LRRC37A2: variants seen among roughly 807,000 people sequenced by gnomAD.
LRRC37A2 encodes the protein leucine-rich repeat-containing protein 37A2.
In LRRC37A2, 9 loss-of-function variants were observed where a neutral mutation model predicts 68.8. The observed-to-expected ratio is 0.13, with a 90% CI of 0.08 to 0.23. The LOEUF is 0.23. Ranked by LOEUF, LRRC37A2 falls within the 10% of genes least tolerant of loss-of-function variation. LRRC37A2 has a pLI of 1.00. For synonymous variants in LRRC37A2, 63 were observed against 367.6 expected (o/e 0.17, Z 9.48); for missense variants, 168 against 950.4 (o/e 0.18, Z 10.82).
chr17:46,988,176 A>C, the LRRC37A2 span, among the ~76,000 whole-genome samples: 8 of 152,374 alleles, frequency 5.3e-5, no homozygotes, highest in East Asian at 1.3e-3. Flanking sequence ...GTCTCAAAAA[A>C]CAAACAAACA....
the LRRC37A2 span, among the ~76,000 whole-genome samples, chr17:47,001,245 G>A: frequency 2.0e-5 from 3 of 152,154 alleles, no homozygotes; most frequent in Admixed American, 1.3e-4. Context: ...AGGGAGCACA[G>A]AGCAAGGAAT....
the LRRC37A2 span, among the ~76,000 whole-genome samples, chr17:46,772,168 C>G: frequency 6.6e-6 from 1 of 152,220 alleles, no homozygotes; most frequent in African/African-American, 2.4e-5. Context: ...TGGGCACCGA[C>G]CGGGGCGCGT....
chr17:47,011,551 CAAA>C, the LRRC37A2 span, among the ~76,000 whole-genome samples: 1 of 96,472 alleles, frequency 1.0e-5, no homozygotes, highest in Non-Finnish European at 2.2e-5. Context: ...GACTCTGTTT[CAAA>C]AAAAAAAAAA....
At chr17:46,822,014 C>T in the LRRC37A2 span, among the ~76,000 whole-genome samples, 173 of 152,318 alleles carry the variant, frequency 1.1e-3, 1 homozygote, top group African/African-American at 3.8e-3. Flanking sequence ...GGCTGCCAGG[C>T]GGGAGTCGGG....
the LRRC37A2 span, among the ~76,000 whole-genome samples, chr17:46,737,572 C>CGTGT: frequency 0.027 from 4,037 of 147,240 alleles, 84 homozygotes; most frequent in Non-Finnish European, 0.039. Flanking sequence ...GGTGTGTGTG[C>CGTGT]GTGTGTGTGT....
the LRRC37A2 span, chr17:46,722,088 G>C: frequency 1.4e-5 from 23 of 1,610,964 alleles, no homozygotes; most frequent in South Asian, 2.5e-4. Flanking sequence ...AGCTCCAGAA[G>C]AGCCTGGGAG....
chr17:46,943,561 C>T, the LRRC37A2 span, among the ~76,000 whole-genome samples: 16 of 152,242 alleles, frequency 1.1e-4, no homozygotes, highest in Non-Finnish European at 1.5e-4. Context: ...ACGCTTCCTG[C>T]GGAATGGGAG....
At chr17:46,840,779 T>A in the LRRC37A2 span, among the ~76,000 whole-genome samples, 10 of 152,384 alleles carry the variant, frequency 6.6e-5, no homozygotes, top group South Asian at 2.1e-3. Flanking sequence ...TTCATGTGTC[T>A]GTTGGCTGCA....
the LRRC37A2 span, among the ~76,000 whole-genome samples, chr17:46,905,651 G>A: frequency 3.3e-5 from 5 of 152,132 alleles, no homozygotes; most frequent in East Asian, 3.9e-4. Context: ...AAGGAGCACC[G>A]ACAGCTAAGC....
the LRRC37A2 span, among the ~76,000 whole-genome samples, chr17:46,703,680 CAAAA>C: frequency 5.8e-4 from 22 of 37,714 alleles, no homozygotes; most frequent in Non-Finnish European, 8.0e-4. Flanking sequence ...GACTCCGTCT[CAAAA>C]AAAAAAAAAA....
the LRRC37A2 span, among the ~76,000 whole-genome samples, chr17:46,835,904 C>G: frequency 1.3e-5 from 2 of 152,230 alleles, no homozygotes; most frequent in Non-Finnish European, 2.9e-5. Flanking sequence ...ACAGGAGACC[C>G]GGCCCTTCTC....
chr17:46,795,671 C>T, the LRRC37A2 span, among the ~76,000 whole-genome samples: 5 of 152,200 alleles, frequency 3.3e-5, no homozygotes, highest in East Asian at 5.8e-4. Flanking sequence ...AGCCCAGTTC[C>T]GGAGCACCCT....
At chr17:46,946,209 G>T in the LRRC37A2 span, among the ~76,000 whole-genome samples, 1 of 151,386 alleles carries the variant, frequency 6.6e-6, no homozygotes, top group African/African-American at 2.4e-5. Flanking sequence ...GCCGAGGTGG[G>T]CAGATCTCCT....
the LRRC37A2 span, among the ~76,000 whole-genome samples, chr17:46,974,747 A>C: frequency 2.2e-5 from 1 of 45,164 alleles, no homozygotes; most frequent in African/African-American, 5.3e-5. Flanking sequence ...AAAAAAAAAA[A>C]AAGGTCATCT....
chr17:47,011,122 G>A, the LRRC37A2 span, among the ~76,000 whole-genome samples: 2 of 152,134 alleles, frequency 1.3e-5, no homozygotes, highest in South Asian at 2.1e-4. Flanking sequence ...ACCGGAAGCC[G>A]CCTGACACTT....
the LRRC37A2 span, among the ~76,000 whole-genome samples, chr17:46,791,899 G>A: frequency 6.6e-6 from 1 of 152,174 alleles, no homozygotes; most frequent in Non-Finnish European, 1.5e-5. Flanking sequence ...AATTAGCTGG[G>A]TGTGGTGGTG....
chr17:46,923,048 A>G, the LRRC37A2 span: 4 of 680,828 alleles, frequency 5.9e-6, no homozygotes, highest in Middle Eastern at 3.8e-4. Flanking sequence ...TCTCGCAACC[A>G]CTGCTAGTAA....
At chr17:46,787,423 T>C in the LRRC37A2 span, among the ~76,000 whole-genome samples, 1 of 152,198 alleles carries the variant, frequency 6.6e-6, no homozygotes, top group African/African-American at 2.4e-5. Context: ...AAGCGGGACC[T>C]TTGACATCAC....
the LRRC37A2 span, among the ~76,000 whole-genome samples, chr17:46,796,591 G>A: frequency 6.6e-5 from 10 of 152,284 alleles, no homozygotes; most frequent in Admixed American, 1.3e-4. Flanking sequence ...AGAGGCAAGC[G>A]CAACTTGGTT....
Sources: gnomAD v4.1 joint callset for allele counts (sites outside exome capture counted in the v4.1 genomes callset) on GRCh38, gnomAD v4.1.1 for gene constraint, MANE v1.5 for transcripts, NCBI Gene and HGNC (gene_info 2026-07-23, HGNC 2026-07-21) for gene names.